Variants in ZNF239 observed in about 807,000 individuals in gnomAD.
ZNF239 encodes zinc finger protein (C2H2) homologous to mouse MOK-2.
A neutral mutation model predicts 27.5 loss-of-function variants in ZNF239; 16 were observed. The ratio of observed to expected loss-of-function variants is 0.58; its 90% confidence interval spans 0.39 to 0.88. The LOEUF is 0.88. Among genes scored for constraint, ZNF239 ranks in the 40% least tolerant of loss-of-function variants. The probability of loss-of-function intolerance (pLI) is 0.00; values close to 1 mark genes in which losing one functional copy is unlikely to be tolerated. For synonymous variants in ZNF239, 199 were observed against 192.6 expected, an observed-to-expected ratio of 1.03 and a Z score of -0.27; for missense variants, 527 against 551.9, an observed-to-expected ratio of 0.95 and a Z score of 0.45.
intron 2 of ZNF239, chr10:43,570,970 A>C: frequency 1.0e-6 from 1 of 985,334 alleles, no homozygotes; most frequent in Non-Finnish European, 1.2e-6. Flanking sequence ...TGACAAGGGA[A>C]AGGAGAAAAG....
chr10:43,569,763 T>C (rs1458722049), intron 2 of ZNF239, among the ~76,000 whole-genome samples: 2 of 152,226 alleles, frequency 1.3e-5, no homozygotes, highest in African/African-American at 2.4e-5. Context: ...CCTGCTGAGA[T>C]TTAAATTCCC....
At chr10:43,572,885 G>C (rs1023549689) in intron 2 of ZNF239, among the ~76,000 whole-genome samples, 1 of 152,222 alleles carries the variant, frequency 6.6e-6, no homozygotes, top group African/African-American at 2.4e-5. Context: ...GCTAGTGAAA[G>C]AGAACAAATC....
At chr10:43,572,750 G>C (rs1838115994) in intron 2 of ZNF239, among the ~76,000 whole-genome samples, 1 of 152,200 alleles carries the variant, frequency 6.6e-6, no homozygotes, top group Non-Finnish European at 1.5e-5. Context: ...AATACCCTGG[G>C]AGTCTAAGGG....
intron 2 of ZNF239, among the ~76,000 whole-genome samples, chr10:43,573,173 T>TA (rs1279468278): frequency 6.6e-6 from 1 of 152,258 alleles, no homozygotes; most frequent in African/African-American, 2.4e-5. Context: ...TTTTGACTCA[T>TA]AGTTAATAAA....
chr10:43,564,283 C>A, intron 3 of ZNF239: 1 of 984,336 alleles, frequency 1.0e-6, no homozygotes, highest in Non-Finnish European at 1.2e-6. Context: ...GACTTACTGA[C>A]CGTATAGTAA....
chr10:43,567,527 C>A (rs1837758237), intron 3 of ZNF239, among the ~76,000 whole-genome samples: 1 of 152,114 alleles, frequency 6.6e-6, no homozygotes, highest in Admixed American at 6.5e-5. Context: ...CCAGATAACT[C>A]CTGGAACGTT....
At chr10:43,558,621 G>A (rs998814433) in intron 3 of ZNF239, among the ~76,000 whole-genome samples, 1 of 152,052 alleles carries the variant, frequency 6.6e-6, no homozygotes, top group Non-Finnish European at 1.5e-5. Context: ...GCTAATTTTT[G>A]TATTTTTAGT....
rs1235675520 is a variant in ZNF239 at position 43,556,744 on chromosome 10, G to A, written c.1336C>T (p.Leu446Phe). ...TTGTGAACCCGCTGGTGGATGTGAA[G>A]GTTGGAGCTCTGGCTGAAGCCCTTC... ...CGKGFSQSSN[L>F]HIHQRVHKKD... The change falls in exon 4 of 4, where the codon CTT becomes TTT. Residue 446 changes from leucine (L) to phenylalanine (F), a missense_variant. Transcript: ENST00000374446. The A allele has an allele frequency of 3.7e-6, 6 of 1,614,100 alleles. No homozygotes were observed. The highest frequency in any genetic ancestry group is 4.2e-6 in the Non-Finnish European group (5 of 1,180,002).
chr10:43,571,244 G>C (rs1302127081), intron 2 of ZNF239, among the ~76,000 whole-genome samples: 2 of 150,256 alleles, frequency 1.3e-5, no homozygotes, highest in Admixed American at 6.7e-5. Flanking sequence ...CTTCTTTCTA[G>C]AGCCCATCTC....
At chr10:43,573,521 C>T (rs566379991) in intron 2 of ZNF239, 116 bp downstream of exon 2, 13 of 621,694 alleles carry the variant, frequency 2.1e-5, no homozygotes, top group Non-Finnish European at 2.6e-5. Context: ...TCTTAATGTC[C>T]CTACATCCAT....
intron 1 of ZNF239, among the ~76,000 whole-genome samples, 178 bp downstream of exon 1, chr10:43,574,362 A>G (rs2132324437): frequency 6.6e-6 from 1 of 152,274 alleles, no homozygotes; most frequent in East Asian, 1.9e-4. Context: ...AGCAGCTCGG[A>G]AATGCGGCGC....
chr10:43,556,642 C>T lies in ZNF239; in HGVS notation c.*61G>A. On this transcript the variant is annotated 3_prime_UTR_variant, in exon 4 of 4. Transcript: ENST00000374446. Reference sequence around the variant, plus strand: ...TGTAGAATATAAAGTAAGAGTGATACTAAATATTTAACAGTTTTTACAGTA... The same window carrying T: ...TGTAGAATATAAAGTAAGAGTGATATTAAATATTTAACAGTTTTTACAGTA... 1.3e-6 allele frequency: 2 copies of T among 1,542,454 alleles called. No individual in the cohort carries two copies. The highest frequency in any genetic ancestry group is 8.7e-7 in the Non-Finnish European group (1 of 1,143,264).
intron 3 of ZNF239, among the ~76,000 whole-genome samples, chr10:43,558,396 A>C (rs1272148849): frequency 6.6e-6 from 1 of 152,190 alleles, no homozygotes; most frequent in East Asian, 1.9e-4. Context: ...AACTAATCCT[A>C]TAGAAGGCTG....
At chr10:43,559,617 A>G in intron 3 of ZNF239, among the ~76,000 whole-genome samples, 1 of 151,982 alleles carries the variant, frequency 6.6e-6, no homozygotes, top group Non-Finnish European at 1.5e-5. Flanking sequence ...TAGGTCTGGA[A>G]CTCCTGTGAG....
intron 3 of ZNF239, among the ~76,000 whole-genome samples, chr10:43,558,455 A>AT (rs759057158): frequency 1.6e-3 from 243 of 147,614 alleles, no homozygotes; most frequent in Non-Finnish European, 2.0e-3. Context: ...ATCTCACTTC[A>AT]TTTTTTTTTT....
At chr10:43,572,627 T>A (rs1838105802) in intron 2 of ZNF239, among the ~76,000 whole-genome samples, 1 of 152,200 alleles carries the variant, frequency 6.6e-6, no homozygotes, top group African/African-American at 2.4e-5. Context: ...TTCCTTCGGC[T>A]CTCTCAGAGT....
At chr10:43,573,776 TCAG>T in intron 1 of ZNF239, 99 bp from the exon 2 acceptor site, 1 of 339,608 alleles carries the variant, frequency 2.9e-6, no homozygotes, top group Non-Finnish European at 4.2e-6. Flanking sequence ...TGACGCTTCT[TCAG>T]TCACTTCCAC....
At chr10:43,559,910 C>A (rs545469133) in intron 3 of ZNF239, among the ~76,000 whole-genome samples, 1 of 152,224 alleles carries the variant, frequency 6.6e-6, no homozygotes, top group South Asian at 2.1e-4. Context: ...AAGGCTTCTT[C>A]GTGGGTAAAA....
chr10:43,557,822 A>T lies in ZNF239; in HGVS notation c.258T>A (p.Pro86=). Residue 86 remains proline, a synonymous_variant, in exon 4 of 4, where the codon CCT becomes CCA. Transcript: ENST00000374446. Reference sequence around the variant, plus strand: ...GACGTCTGCTTTCCTGATGATCCTGAGGCTCATTCTTACAGAACTTCACTG... The same window carrying T: ...GACGTCTGCTTTCCTGATGATCCTGTGGCTCATTCTTACAGAACTTCACTG... ...DSSVKFCKNE[P]QDHQESRRLF... 1.2e-6 allele frequency: 2 copies of T among 1,614,188 alleles called. No homozygotes were observed. Among genetic ancestry groups the T allele is most frequent in the Non-Finnish European group, 1.7e-6 (2 of 1,180,032 alleles).
Sources: gnomAD v4.1 joint callset for allele counts (sites outside exome capture counted in the v4.1 genomes callset) on GRCh38, gnomAD v4.1.1 for gene constraint, MANE v1.5 for transcripts, NCBI Gene and HGNC (gene_info 2026-07-23, HGNC 2026-07-21) for gene names.